CSMD1: variants seen among roughly 807,000 people sequenced by gnomAD.
CSMD1 encodes the protein CUB and sushi domain-containing protein 1.
In CSMD1, 213 loss-of-function variants were observed where a neutral mutation model predicts 417.5. That is an observed-to-expected ratio of 0.51 (90% confidence interval 0.46 to 0.57). The LOEUF is 0.57. CSMD1 is among the 20% of genes least tolerant of loss of function. The pLI, the probability that CSMD1 is intolerant of heterozygous loss-of-function variation, is 0.00. For missense variants in CSMD1, 6,923 were observed against 4,529.7 expected, an observed-to-expected ratio of 1.53 and a Z score of -15.17; for synonymous variants, 2,862 against 1,736.8, an observed-to-expected ratio of 1.65 and a Z score of -16.11.
chr8:4,265,015 T>C (rs1402008517), intron 3 of CSMD1, among the ~76,000 whole-genome samples: 1 of 152,170 alleles, frequency 6.6e-6, no homozygotes, highest in Admixed American at 6.6e-5. Flanking sequence ...ATGTCAAGTA[T>C]ATAAATTTAA....
intron 5 of CSMD1, among the ~76,000 whole-genome samples, chr8:3,806,937 G>T (rs998306452): frequency 6.6e-6 from 1 of 152,124 alleles, no homozygotes; most frequent in Non-Finnish European, 1.5e-5. Context: ...CTAATTGTCA[G>T]ATAGGATTTA....
At chr8:3,812,670 A>G (rs1226881469) in intron 5 of CSMD1, among the ~76,000 whole-genome samples, 1 of 152,226 alleles carries the variant, frequency 6.6e-6, no homozygotes, top group Non-Finnish European at 1.5e-5. Flanking sequence ...ATTAAGGAAG[A>G]GATTGCAACG....
At chr8:3,064,175 T>C (rs1812769306) in intron 49 of CSMD1, among the ~76,000 whole-genome samples, 1 of 152,232 alleles carries the variant, frequency 6.6e-6, no homozygotes, top group Non-Finnish European at 1.5e-5. Flanking sequence ...TTTCAAGGCC[T>C]GATAAATTCT....
intron 1 of CSMD1, among the ~76,000 whole-genome samples, chr8:4,746,271 T>A (rs1673261): frequency 6.6e-6 from 1 of 152,164 alleles, no homozygotes; most frequent in Non-Finnish European, 1.5e-5. Context: ...TTCTTCTAGG[T>A]GACGTACTTA....
intron 8 of CSMD1, among the ~76,000 whole-genome samples, chr8:3,607,282 C>G (rs1041977246): frequency 6.6e-6 from 1 of 152,178 alleles, no homozygotes; most frequent in Non-Finnish European, 1.5e-5. Context: ...GGCAAGGACA[C>G]ACATAAATGA....
chr8:3,329,476 G>C lies in CSMD1; in HGVS notation c.3631+13818C>G, dbSNP rs149746118. 2.1e-3 allele frequency among the ~76,000 whole-genome samples: 316 copies of C among 152,218 alleles called. 3 individuals carry two copies. Among genetic ancestry groups the C allele is most frequent in the Non-Finnish European group, 1.9e-3 (129 of 68,010 alleles). ...CATATATGATGAACGGGGAAACTGCGGCAGCCACACACAGACTACTGTTAT... is the reference window on the plus strand; with the variant it reads ...CATATATGATGAACGGGGAAACTGCCGCAGCCACACACAGACTACTGTTAT... On this transcript the variant is annotated intron_variant, in intron 23 of 69. Transcript: ENST00000635120.
intron 10 of CSMD1, among the ~76,000 whole-genome samples, chr8:3,494,963 A>G (rs182191685): frequency 6.6e-6 from 1 of 152,320 alleles, no homozygotes; most frequent in Non-Finnish European, 1.5e-5. Flanking sequence ...AACAGGCTCT[A>G]AACAGGTGCT....
chr8:3,801,192 A>T (rs973792054), intron 5 of CSMD1, among the ~76,000 whole-genome samples: 1 of 152,094 alleles, frequency 6.6e-6, no homozygotes, highest in South Asian at 2.1e-4. Context: ...ATGAGAGAAA[A>T]TATTTGCAAA....
At chr8:4,017,242 CACAAT>C (rs1796567225) in intron 4 of CSMD1, among the ~76,000 whole-genome samples, 3 of 152,016 alleles carry the variant, frequency 2.0e-5, no homozygotes, top group African/African-American at 7.2e-5. Context: ...CTATTTTTTT[CACAAT>C]TCAAGGCTAT....
intron 11 of CSMD1, among the ~76,000 whole-genome samples, chr8:3,481,386 T>C (rs770769993): frequency 2.0e-5 from 3 of 152,104 alleles, no homozygotes; most frequent in Non-Finnish European, 4.4e-5. Flanking sequence ...TAGAACAGCG[T>C]CTGGTACTTC....
chr8:3,714,842 A>C (rs1218825925), intron 6 of CSMD1, among the ~76,000 whole-genome samples: 3 of 152,138 alleles, frequency 2.0e-5, no homozygotes, highest in Non-Finnish European at 4.4e-5. Flanking sequence ...ACTGTTCTTG[A>C]ATTATCTCAG....
At chr8:3,482,100 G>C (rs1374284895) in intron 11 of CSMD1, among the ~76,000 whole-genome samples, 1 of 152,000 alleles carries the variant, frequency 6.6e-6, no homozygotes, top group Admixed American at 6.6e-5. Context: ...ATAACCCTTA[G>C]GAAGGCAAGA....
chr8:4,406,634 A>C (rs1245517788), intron 3 of CSMD1, among the ~76,000 whole-genome samples: 2 of 152,206 alleles, frequency 1.3e-5, no homozygotes, highest in Non-Finnish European at 2.9e-5. Context: ...GGGACTGGCC[A>C]CACAACAGGA....
At chr8:4,423,377 T>G (rs561770602) in intron 2 of CSMD1, among the ~76,000 whole-genome samples, 1 of 152,210 alleles carries the variant, frequency 6.6e-6, no homozygotes, top group South Asian at 2.1e-4. Flanking sequence ...AGGCACATAA[T>G]GAACATACAA....
intron 3 of CSMD1, among the ~76,000 whole-genome samples, chr8:4,112,641 G>A (rs895396448): frequency 5.3e-5 from 8 of 152,124 alleles, no homozygotes; most frequent in African/African-American, 1.9e-4. Context: ...TGTCCAAAGG[G>A]GATCCTGCCC....
At chr8:3,471,095 T>A (rs1288945626) in intron 11 of CSMD1, among the ~76,000 whole-genome samples, 1 of 152,128 alleles carries the variant, frequency 6.6e-6, no homozygotes, top group African/African-American at 2.4e-5. Flanking sequence ...AACTACCAAA[T>A]TTTTCCCCAG....
intron 10 of CSMD1, among the ~76,000 whole-genome samples, chr8:3,509,625 G>A (rs76736452): frequency 0.035 from 5,294 of 152,138 alleles, 273 homozygotes; most frequent in East Asian, 0.22. Flanking sequence ...ATCTAATCTG[G>A]GAAAGGGAAG....
At chr8:4,250,152 C>T (rs1802965179) in intron 3 of CSMD1, among the ~76,000 whole-genome samples, 2 of 152,182 alleles carry the variant, frequency 1.3e-5, no homozygotes, top group Admixed American at 6.5e-5. Context: ...TTGAGCTTCT[C>T]AGCCTCTAGA....
intron 3 of CSMD1, among the ~76,000 whole-genome samples, chr8:4,062,691 G>A (rs1374803272): frequency 6.6e-6 from 1 of 151,306 alleles, no homozygotes; most frequent in Admixed American, 6.6e-5. Flanking sequence ...ACCCATGATG[G>A]CAAAGCCACA....
Sources: allele counts gnomAD v4.1 joint callset (sites outside exome capture counted in the v4.1 genomes callset), GRCh38; gene constraint gnomAD v4.1.1; transcripts MANE v1.5; gene names NCBI Gene and HGNC (gene_info 2026-07-23, HGNC 2026-07-21).